The following NRG1 variants were observed in gnomAD, a reference collection of about 807,000 sequenced individuals.
NRG1 encodes pro-neuregulin-1, membrane-bound isoform.
A neutral mutation model predicts 63.8 loss-of-function variants in NRG1; 18 were observed. That is an observed-to-expected ratio of 0.28 (90% CI 0.19 to 0.42). NRG1 has a LOEUF of 0.42. Among genes scored for constraint, NRG1 ranks in the 10% least tolerant of loss-of-function variants. The probability of loss-of-function intolerance (pLI) is 1.00; values close to 1 mark genes in which losing one functional copy is unlikely to be tolerated. For synonymous variants in NRG1, 302 were observed against 301.3 expected (o/e 1.00, Z -0.02); for missense variants, 762 against 814.7 (o/e 0.94, Z 0.79).
chr8:32,673,427 T>A (rs1348152198), intron 5 of NRG1, among the ~76,000 whole-genome samples: 1 of 152,196 alleles, frequency 6.6e-6, no homozygotes, highest in African/African-American at 2.4e-5. Flanking sequence ...AAATCATATT[T>A]GTGTAATAAA....
intron 1 of NRG1, among the ~76,000 whole-genome samples, chr8:31,985,601 A>G (rs143147674): frequency 5.9e-5 from 9 of 152,200 alleles, no homozygotes; most frequent in Non-Finnish European, 1.2e-4. Flanking sequence ...TACTCAGAGT[A>G]GAATTTATAA....
chr8:32,755,831 C>A (rs1233680030), intron 8 of NRG1, among the ~76,000 whole-genome samples: 1 of 152,126 alleles, frequency 6.6e-6, no homozygotes, highest in African/African-American at 2.4e-5. Flanking sequence ...CAACCTCCCC[C>A]TCCCTGGTTC....
chr8:31,769,580 A>C (rs1818412866), intron 1 of NRG1, among the ~76,000 whole-genome samples: 1 of 152,210 alleles, frequency 6.6e-6, no homozygotes, highest in African/African-American at 2.4e-5. Flanking sequence ...AAATATGCCA[A>C]AGGTGCATAT....
At chr8:31,877,114 A>G (rs1229573754) in intron 1 of NRG1, among the ~76,000 whole-genome samples, 1 of 152,228 alleles carries the variant, frequency 6.6e-6, no homozygotes, top group Non-Finnish European at 1.5e-5. Context: ...AGCTTTAAAA[A>G]GTGCACCGTT....
At chr8:32,065,812 A>G (rs1054649616) in intron 1 of NRG1, among the ~76,000 whole-genome samples, 1 of 152,170 alleles carries the variant, frequency 6.6e-6, no homozygotes, top group Non-Finnish European at 1.5e-5. Flanking sequence ...ACAGTGCAAA[A>G]GTGTTCCTAT....
intron 1 of NRG1, among the ~76,000 whole-genome samples, chr8:32,434,228 T>G (rs1245392639): frequency 6.9e-6 from 1 of 144,030 alleles, no homozygotes; most frequent in African/African-American, 2.6e-5. Flanking sequence ...AAACTTAGAC[T>G]TCAAGTTTTA....
chr8:32,268,847 G>A (rs2129472244), intron 1 of NRG1, among the ~76,000 whole-genome samples: 2 of 152,174 alleles, frequency 1.3e-5, no homozygotes, highest in South Asian at 2.1e-4. Flanking sequence ...AAGTCTCCAG[G>A]GAAGCACGAA....
chr8:31,837,889 A>T (rs1825831597), intron 1 of NRG1, among the ~76,000 whole-genome samples: 2 of 152,016 alleles, frequency 1.3e-5, no homozygotes, highest in South Asian at 4.1e-4. Flanking sequence ...CCCCTGATGG[A>T]CACTTAGGTG....
chr8:32,575,407 G>C (rs897055405), intron 1 of NRG1, among the ~76,000 whole-genome samples: 1 of 150,792 alleles, frequency 6.6e-6, no homozygotes, highest in Non-Finnish European at 1.5e-5. Context: ...TACTATAAAA[G>C]TTCCCTTCCT....
At chr8:32,143,441 T>A in intron 1 of NRG1, among the ~76,000 whole-genome samples, 1 of 152,318 alleles carries the variant, frequency 6.6e-6, no homozygotes. Flanking sequence ...CCCCAGACCA[T>A]GAGCTCCATG....
chr8:32,007,959 A>G (rs1814058425), intron 1 of NRG1, among the ~76,000 whole-genome samples: 1 of 151,990 alleles, frequency 6.6e-6, no homozygotes. Context: ...AAAGCCCTAC[A>G]GGATTTAGGA....
intron 1 of NRG1, among the ~76,000 whole-genome samples, chr8:32,269,957 C>G (rs1474122173): frequency 6.6e-6 from 1 of 152,042 alleles, no homozygotes; most frequent in East Asian, 1.9e-4. Context: ...GTGCTCTGTC[C>G]CCTCATAAAT....
At chr8:32,164,112 T>C (rs1325130709) in intron 1 of NRG1, among the ~76,000 whole-genome samples, 3 of 152,182 alleles carry the variant, frequency 2.0e-5, no homozygotes, top group African/African-American at 7.2e-5. Context: ...CATCCTTCTT[T>C]ATGTTCTGTT....
At chr8:32,294,733 T>G (rs1854631107) in intron 1 of NRG1, among the ~76,000 whole-genome samples, 1 of 151,838 alleles carries the variant, frequency 6.6e-6, no homozygotes, top group African/African-American at 2.4e-5. Flanking sequence ...TCTGGCAGAC[T>G]TGTATCATTT....
chr8:32,368,317 C>T (rs1808354085), intron 1 of NRG1, among the ~76,000 whole-genome samples: 1 of 152,010 alleles, frequency 6.6e-6, no homozygotes, highest in Admixed American at 6.6e-5. Flanking sequence ...GCCTGTAATC[C>T]CATTGTTTTG....
At chr8:31,664,505 T>G (rs951453255) in intron 1 of NRG1, among the ~76,000 whole-genome samples, 1 of 152,160 alleles carries the variant, frequency 6.6e-6, no homozygotes, top group Non-Finnish European at 1.5e-5. Context: ...GAATTGAGAG[T>G]TCTTGCAGCA....
At chr8:31,725,505 T>C (rs955498828) in intron 1 of NRG1, among the ~76,000 whole-genome samples, 4 of 152,116 alleles carry the variant, frequency 2.6e-5, no homozygotes, top group African/African-American at 9.7e-5. Context: ...TTTCAAAGTT[T>C]TGAGGTCTCA....
intron 1 of NRG1, among the ~76,000 whole-genome samples, chr8:31,704,758 G>A (rs951383854): frequency 1.5e-4 from 22 of 151,362 alleles, no homozygotes; most frequent in Non-Finnish European, 2.9e-4. Flanking sequence ...CGTGAACCTG[G>A]GAGGTGGAGC....
chr8:32,214,433 G>A (rs1156902210), intron 1 of NRG1, among the ~76,000 whole-genome samples: 1 of 152,138 alleles, frequency 6.6e-6, no homozygotes, highest in Non-Finnish European at 1.5e-5. Context: ...TCATCTAACT[G>A]GTAGATTATA....
Sources: allele counts gnomAD v4.1 joint callset (sites outside exome capture counted in the v4.1 genomes callset), GRCh38; gene constraint gnomAD v4.1.1; transcripts MANE v1.5; gene names NCBI Gene and HGNC (gene_info 2026-07-23, HGNC 2026-07-21).